The following KDM4C variants were observed in gnomAD, a reference collection of about 807,000 sequenced individuals.
The protein encoded by KDM4C is lysine-specific demethylase 4C.
KDM4C carries 81 observed loss-of-function variants against 129.3 expected under a neutral mutation model. The observed-to-expected ratio is 0.63, with a 90% CI of 0.52 to 0.75. The LOEUF (loss-of-function observed/expected upper bound fraction) is 0.75, where lower values mean the gene tolerates loss of function less well. Among genes scored for constraint, KDM4C ranks in the 30% least tolerant of loss-of-function variants. The pLI, the probability that KDM4C is intolerant of heterozygous loss-of-function variation, is 0.00. For missense variants in KDM4C, 1,457 were observed against 1,304.0 expected (o/e 1.12, Z -1.81); for synonymous variants, 573 against 456.1 (o/e 1.26, Z -3.26).
At chr9:6,916,219 G>T (rs1429784431) in intron 8 of KDM4C, among the ~76,000 whole-genome samples, 2 of 126,940 alleles carry the variant, frequency 1.6e-5, no homozygotes, top group Non-Finnish European at 3.8e-5. Flanking sequence ...GAAGTGTCTT[G>T]AAAGTTTTAC....
chr9:6,769,387 A>G (rs1444224908), intron 1 of KDM4C, among the ~76,000 whole-genome samples: 2 of 151,960 alleles, frequency 1.3e-5, no homozygotes, highest in Non-Finnish European at 2.9e-5. Flanking sequence ...AGAGCCTAGC[A>G]AAGAGGTCAG....
chr9:6,901,013 T>G (rs1817312447), intron 8 of KDM4C, among the ~76,000 whole-genome samples: 1 of 152,186 alleles, frequency 6.6e-6, no homozygotes, highest in Non-Finnish European at 1.5e-5. Flanking sequence ...TCCATATTTT[T>G]TCAGTGTTTA....
intron 1 of KDM4C, among the ~76,000 whole-genome samples, chr9:6,737,903 G>T (rs375416850): frequency 6.6e-6 from 1 of 151,936 alleles, no homozygotes; most frequent in South Asian, 2.1e-4. Context: ...TTGGGAGGCC[G>T]AAGCAGGTGG....
At position 6,837,344 on chromosome 9, in the gene KDM4C, A is replaced by C. The variant is rs553174432; in HGVS notation, c.436-12163A>C. ...AGTATTACGATTACAGGCGTGTGCT[A>C]CTCTGCCCAGCTTATAATCATTATT... is the stretch of plus-strand genomic sequence containing the variant. On this transcript the variant is annotated intron_variant, in intron 4 of 21. Transcript: ENST00000381309. 2.0e-3 allele frequency among the ~76,000 whole-genome samples: 298 copies of C among 152,232 alleles called. 2 individuals carry two copies. Among genetic ancestry groups the C allele is most frequent in the Middle Eastern group, 6.8e-3 (2 of 294 alleles).
intron 8 of KDM4C, among the ~76,000 whole-genome samples, chr9:6,976,256 A>G (rs1230379411): frequency 2.0e-5 from 3 of 152,204 alleles, no homozygotes; most frequent in Non-Finnish European, 2.9e-5. Flanking sequence ...TGATGCTAAC[A>G]CTTAGCAGTG....
At chr9:7,017,840 G>C (rs1417794503) in intron 15 of KDM4C, among the ~76,000 whole-genome samples, 2 of 152,148 alleles carry the variant, frequency 1.3e-5, no homozygotes, top group African/African-American at 4.8e-5. Context: ...GAAAATTTTT[G>C]TCATGACTGT....
intron 1 of KDM4C, among the ~76,000 whole-genome samples, chr9:6,750,071 G>A (rs576978113): frequency 6.5e-4 from 97 of 148,920 alleles, no homozygotes; most frequent in African/African-American, 2.3e-3. Context: ...AGAAGAAAAT[G>A]TAAGGCAATT....
chr9:6,744,533 A>G (rs1817814522), intron 1 of KDM4C, among the ~76,000 whole-genome samples: 1 of 152,164 alleles, frequency 6.6e-6, no homozygotes, highest in Non-Finnish European at 1.5e-5. Context: ...CAAAAAAAAG[A>G]AAAAGAAAAA....
intron 4 of KDM4C, among the ~76,000 whole-genome samples, chr9:6,845,440 C>T (rs1018110451): frequency 2.0e-5 from 3 of 152,116 alleles, no homozygotes; most frequent in Non-Finnish European, 4.4e-5. Context: ...ATCTTGAACT[C>T]CTGGCCTCAA....
chr9:6,910,312 G>A (rs1367328892), intron 8 of KDM4C, among the ~76,000 whole-genome samples: 1 of 151,870 alleles, frequency 6.6e-6, no homozygotes, highest in Non-Finnish European at 1.5e-5. Context: ...TCCTTACTTT[G>A]TGTCAGGCAT....
chr9:7,068,130 G>T (rs1392471437), intron 17 of KDM4C, among the ~76,000 whole-genome samples: 1 of 152,134 alleles, frequency 6.6e-6, no homozygotes, highest in African/African-American at 2.4e-5. Flanking sequence ...AAAATAACTT[G>T]GGAGGATGCA....
intron 11 of KDM4C, among the ~76,000 whole-genome samples, chr9:6,989,406 C>T (rs1335699299): frequency 6.6e-6 from 1 of 152,000 alleles, no homozygotes; most frequent in African/African-American, 2.4e-5. Context: ...AAAAATTTTG[C>T]GTTGTGCGAG....
chr9:6,836,879 A>C (rs1206345633), intron 4 of KDM4C, among the ~76,000 whole-genome samples: 1 of 151,956 alleles, frequency 6.6e-6, no homozygotes, highest in East Asian at 1.9e-4. Flanking sequence ...TTTTTTAAAA[A>C]TAAATATTGT....
At chr9:6,928,622 G>T (rs760583121) in intron 8 of KDM4C, among the ~76,000 whole-genome samples, 19 of 151,394 alleles carry the variant, frequency 1.3e-4, no homozygotes, top group Non-Finnish European at 2.4e-4. Context: ...AATAATAATG[G>T]CATCACCTGT....
At chr9:6,764,900 C>G (rs183454686) in intron 1 of KDM4C, among the ~76,000 whole-genome samples, 2 of 152,284 alleles carry the variant, frequency 1.3e-5, no homozygotes, top group East Asian at 3.9e-4. Flanking sequence ...TGGAATTTCT[C>G]CTGCATCTCA....
chr9:6,821,836 T>C (rs1037211300), intron 4 of KDM4C, among the ~76,000 whole-genome samples: 2 of 152,196 alleles, frequency 1.3e-5, no homozygotes, highest in African/African-American at 4.8e-5. Context: ...TGATTCGCCA[T>C]GTTGGCCAGA....
chr9:7,039,552 A>G (rs4742291), intron 15 of KDM4C, among the ~76,000 whole-genome samples: 8,450 of 152,074 alleles, frequency 0.056, 265 homozygotes, highest in South Asian at 0.097. Context: ...AAATCTGCAT[A>G]TAACTTTGGA....
chr9:6,797,287 C>G (rs546203690), intron 2 of KDM4C, among the ~76,000 whole-genome samples: 1 of 152,022 alleles, frequency 6.6e-6, no homozygotes, highest in Non-Finnish European at 1.5e-5. Flanking sequence ...GTGCCTGGCC[C>G]GTTAATCCAC....
At chr9:6,734,871 C>T (rs1817471955) in intron 1 of KDM4C, 2 of 546,334 alleles carry the variant, frequency 3.7e-6, no homozygotes, top group African/African-American at 3.8e-5. Context: ...GTTTCTTGCA[C>T]CAATAAGAGA....
Sources: gnomAD v4.1 joint callset for allele counts (sites outside exome capture counted in the v4.1 genomes callset) on GRCh38, gnomAD v4.1.1 for gene constraint, MANE v1.5 for transcripts, NCBI Gene and HGNC (gene_info 2026-07-23, HGNC 2026-07-21) for gene names.